The following NSD3 variants were observed in gnomAD, a reference collection of about 807,000 sequenced individuals.
NSD3 encodes the protein nuclear receptor binding SET domain protein 3.
Under a neutral mutation model 160.8 loss-of-function variants are expected in NSD3, and 24 were observed. The observed-to-expected ratio is 0.15, with a 90% CI of 0.11 to 0.21. The LOEUF is 0.21. NSD3 is among the 10% of genes least tolerant of loss of function. NSD3 has a pLI of 1.00. For synonymous variants in NSD3, 520 were observed against 600.0 expected (o/e 0.87, Z 1.95); for missense variants, 1,157 against 1,735.9 (o/e 0.67, Z 5.93).
Position 38,329,594 on chromosome 8 carries a change from G to T in NSD3, c.1365C>A (p.His455Gln). ...TEIRRHSQRRHTSAEEEEPPP... is the reference protein window; with the variant it reads ...TEIRRHSQRRQTSAEEEEPPP... Reference sequence around the variant, plus strand: ...GTGGCTCTTCCTCTTCCGCACTTGTGTGCCGCCTCTGGCTATGTCTCCGAA... The same window carrying T: ...GTGGCTCTTCCTCTTCCGCACTTGTTTGCCGCCTCTGGCTATGTCTCCGAA... Residue 455 changes from histidine to glutamine, a missense_variant, in exon 6 of 24, where the codon CAC (histidine) becomes CAA (glutamine). Physicochemically the swap from His to Gln is conservative, Grantham distance 24. Transcript: ENST00000317025. This position sits in a 1 kb window ranked among gnomAD's most constrained non-coding sequence, Gnocchi z 4.8. The T allele has an allele frequency of 6.2e-7, 1 of 1,614,196 alleles. No individual in the cohort carries two copies. Among genetic ancestry groups the T allele is most frequent in the South Asian group, 1.1e-5 (1 of 91,086 alleles).
At chr8:38,301,565 A>C (rs1809277172) in intron 14 of NSD3, among the ~76,000 whole-genome samples, 1 of 152,182 alleles carries the variant, frequency 6.6e-6, no homozygotes, top group African/African-American at 2.4e-5. Context: ...GGGCAACAAG[A>C]GCAAAACTCT....
rs556060710 is a variant in NSD3 at position 38,292,618 on chromosome 8, T to TAAA, written c.2916-1944_2916-1942dup. Among the ~76,000 whole-genome samples, 189 of 142,920 alleles carry TAAA rather than the reference T, an allele frequency of 1.3e-3. 1 individual carries two copies. Among genetic ancestry groups the TAAA allele is most frequent in the African/African-American group, 4.5e-3 (175 of 38,942 alleles). 93.8% of individuals were successfully genotyped at this position (142,920 alleles called of 152,430 possible). Reference sequence around the variant, plus strand: ...CAACATGGTGAAACCCCATCTCTACTAAAAAAAAAAAATACAAAAAATTAG... The same window carrying TAAA: ...CAACATGGTGAAACCCCATCTCTACTAAAAAAAAAAAAAAATACAAAAAATTAG... On this transcript the variant is annotated intron_variant, in intron 16 of 23. Coordinates refer to ENST00000317025, the MANE Select transcript of NSD3 (RefSeq NM_023034.2).
intron 19 of NSD3, among the ~76,000 whole-genome samples, chr8:38,284,568 G>A (rs1808814034): frequency 6.6e-6 from 1 of 152,158 alleles, no homozygotes; most frequent in African/African-American, 2.4e-5. Flanking sequence ...TATATTTTTA[G>A]TAGAGATGGG....
rs1049717936 is a variant in NSD3, at chr8:38,281,236, T to C, written c.3618+231A>G. ...CCAGATATGCTAACCCTGCTCCTGG[T>C]TTTATTTTCACTCACAGTGCTGTCT... On this transcript the variant is annotated intron_variant, in intron 20 of 23. Transcript: ENST00000317025. Among the ~76,000 whole-genome samples the C allele has an allele frequency of 1.4e-4, 22 of 152,170 alleles. 1 individual carries two copies. The highest frequency in any genetic ancestry group is 1.4e-3 in the Admixed American group (22 of 15,280).
intron 19 of NSD3, among the ~76,000 whole-genome samples, chr8:38,284,110 A>C (rs1478235940): frequency 6.6e-6 from 1 of 152,208 alleles, no homozygotes; most frequent in Non-Finnish European, 1.5e-5. Flanking sequence ...CAAGGAAAAA[A>C]AAACAAACCA....
intron 19 of NSD3, among the ~76,000 whole-genome samples, chr8:38,282,829 CTG>C (rs1434249871): frequency 1.3e-5 from 2 of 152,220 alleles, no homozygotes; most frequent in African/African-American, 4.8e-5. Flanking sequence ...TTTTAAATCT[CTG>C]AGTAGTGTTT....
Position 38,372,814 on chromosome 8 carries a change from TA to T in NSD3, c.-45+8984del, listed in dbSNP as rs750072695. Among the ~76,000 whole-genome samples the T allele has an allele frequency of 8.7e-3, 1,056 of 121,776 alleles. 7 individuals carry two copies. The highest frequency in any genetic ancestry group is 0.026 in the African/African-American group (862 of 33,442). 79.9% of individuals were successfully genotyped at this position (121,776 alleles called of 152,430 possible). On this transcript the variant is annotated intron_variant, in intron 1 of 23. Transcript: ENST00000317025. ...CCCGGCCGCAGGTTCTTACTATTAT[TA>T]AAAAAAAAAAAAAAACCACCAGCCG...
At chr8:38,338,030 G>A (rs995911883) in intron 3 of NSD3, among the ~76,000 whole-genome samples, 6 of 152,232 alleles carry the variant, frequency 3.9e-5, no homozygotes, top group Middle Eastern at 3.4e-3. Flanking sequence ...GGCCAGGCGC[G>A]GTGGCTCACG....
chr8:38,321,573 A>C lies in NSD3; in HGVS notation c.1709-401T>G, dbSNP rs1809796006. Among the ~76,000 whole-genome samples the C allele has an allele frequency of 6.6e-6, 1 of 152,250 alleles. No homozygotes were observed. The highest frequency in any genetic ancestry group is 1.5e-5 in the Non-Finnish European group (1 of 68,038). On this transcript the variant is annotated intron_variant, in intron 7 of 23. Transcript: ENST00000317025. The surrounding 1 kb of genome is among the most constrained non-coding windows in gnomAD (Gnocchi z 4.7). ...ACCTGATGTTAGAAATTATTGGTTC[A>C]AAATTCAATCAGTGCCACACATTCT...
At chr8:38,322,982 A>G (rs1045996187) in intron 7 of NSD3, among the ~76,000 whole-genome samples, 1 of 152,192 alleles carries the variant, frequency 6.6e-6, no homozygotes, top group African/African-American at 2.4e-5. Context: ...CTTATCAACC[A>G]CAGCTGTTAA....
At chr8:38,375,149 T>C (rs895590191) in intron 1 of NSD3, among the ~76,000 whole-genome samples, 5 of 152,250 alleles carry the variant, frequency 3.3e-5, no homozygotes. Context: ...TCATGTTTTA[T>C]CTTTCCATGC....
chr8:38,290,212 TA>T (rs11334854), intron 17 of NSD3, among the ~76,000 whole-genome samples: 31,921 of 139,846 alleles, frequency 0.23, 3,472 homozygotes, highest in East Asian at 0.32. Flanking sequence ...AGACCCTGTC[TA>T]AAAAAAAAAA....
chr8:38,310,675 CTTTTT>C (rs919146524), intron 12 of NSD3, among the ~76,000 whole-genome samples: 2 of 138,170 alleles, frequency 1.4e-5, no homozygotes, highest in African/African-American at 2.7e-5. Flanking sequence ...GCCAGGCTAA[CTTTTT>C]TTTTTTTTTT....
intron 1 of NSD3, among the ~76,000 whole-genome samples, chr8:38,362,336 T>TGAAATATC (rs1436634969): frequency 1.3e-5 from 2 of 148,278 alleles, no homozygotes; most frequent in Non-Finnish European, 3.0e-5. Context: ...GCAGTATTAT[T>TGAAATATC]GAAATATCAC....
At chr8:38,292,418 G>A (rs192470941) in intron 16 of NSD3, among the ~76,000 whole-genome samples, 1 of 152,078 alleles carries the variant, frequency 6.6e-6, no homozygotes, top group Non-Finnish European at 1.5e-5. Context: ...AGGTTGTGGC[G>A]GGCAGATCAC....
chr8:38,321,289 T>C lies in NSD3; in HGVS notation c.1709-117A>G. On this transcript the variant is annotated intron_variant, in intron 7 of 23. Transcript: ENST00000317025. This position sits in a 1 kb window ranked among gnomAD's most constrained non-coding sequence, Gnocchi z 4.7. ...TTACCCATTACTTTTGGAATTTTAA[T>C]TAAAATCATTAAAAAATGCTAAACA... 1.4e-6 allele frequency: 1 copy of C among 700,072 alleles called. No homozygotes were observed. Among genetic ancestry groups the C allele is most frequent in the Non-Finnish European group, 2.3e-6 (1 of 438,806 alleles). 43.4% of individuals were successfully genotyped at this position (700,072 alleles called of 1,614,324 possible).
intron 12 of NSD3, among the ~76,000 whole-genome samples, chr8:38,313,918 TAA>T (rs1381610674): frequency 2.0e-5 from 3 of 151,476 alleles, no homozygotes; most frequent in Non-Finnish European, 4.4e-5. Context: ...AGAAAAATAA[TAA>T]AGAGTCAAAG....
rs371402651 is a variant in NSD3 at position 38,273,037 on chromosome 8, C to CT, written c.*2603dup. ...CCAAAGACTTCAGAACTATGGTTACCTTTTTTTTTTGAGATGGAGTCTCGC... is the reference window on the plus strand; with the variant it reads ...CCAAAGACTTCAGAACTATGGTTACCTTTTTTTTTTTGAGATGGAGTCTCGC... On this transcript the variant is annotated 3_prime_UTR_variant, in exon 24 of 24. Transcript: ENST00000317025. 2.5e-4 allele frequency: 38 copies of CT among 149,362 alleles called. No individual in the cohort carries two copies. Among genetic ancestry groups the CT allele is most frequent in the Admixed American group, 6.0e-4 (9 of 14,908 alleles). 9.3% of individuals were successfully genotyped at this position (149,362 alleles called of 1,614,324 possible).
intron 12 of NSD3, among the ~76,000 whole-genome samples, chr8:38,305,856 TAA>T (rs1013793993): frequency 5.1e-4 from 77 of 151,954 alleles, no homozygotes; most frequent in African/African-American, 1.8e-3. Context: ...ACAATCCTAA[TAA>T]AAAAGAAAAT....
Sources: allele counts gnomAD v4.1 joint callset (sites outside exome capture counted in the v4.1 genomes callset), GRCh38; gene constraint gnomAD v4.1.1; non-coding constraint Gnocchi (gnomAD v3.1); transcripts MANE v1.5; gene names NCBI Gene and HGNC (gene_info 2026-07-23, HGNC 2026-07-21).